LIPC: variants seen among roughly 807,000 people sequenced by gnomAD.
LIPC encodes hepatic triacylglycerol lipase.
LIPC carries 44 observed loss-of-function variants against 50.7 expected under a neutral mutation model. The observed-to-expected ratio is 0.87, with a 90% CI of 0.68 to 1.11. LIPC has a LOEUF of 1.11. Among genes scored for constraint, LIPC ranks in the 50% most tolerant of loss-of-function variants. LIPC has a pLI of 0.00. For missense variants in LIPC, 697 were observed against 648.2 expected, an observed-to-expected ratio of 1.08 and a Z score of -0.82; for synonymous variants, 271 against 256.4, an observed-to-expected ratio of 1.06 and a Z score of -0.54.
chr15:58,569,048 T>A lies in LIPC; in HGVS notation c.*221T>A. ...TACAACCAAAAATGTCCCAATTTTA[T>A]CTCTGGTTAAATGTTAATATATGCA... On this transcript the variant is annotated 3_prime_UTR_variant, in exon 9 of 9. Transcript: ENST00000299022. 1 of 410,514 alleles carries A rather than the reference T, an allele frequency of 2.4e-6. No homozygotes were observed. The highest frequency in any genetic ancestry group is 4.3e-6 in the Non-Finnish European group (1 of 230,776). 25.4% of individuals were successfully genotyped at this position (410,514 alleles called of 1,614,324 possible).
intron 1 of LIPC, among the ~76,000 whole-genome samples, chr15:58,452,641 A>G (rs1433750320): frequency 6.6e-6 from 1 of 152,186 alleles, no homozygotes; most frequent in Non-Finnish European, 1.5e-5. Flanking sequence ...GCTAGACTCA[A>G]AGAAGATGGA....
intron 1 of LIPC, among the ~76,000 whole-genome samples, chr15:58,524,190 A>C (rs1892736878): frequency 6.6e-6 from 1 of 152,152 alleles, no homozygotes; most frequent in Admixed American, 6.5e-5. Flanking sequence ...CTTCCACAAA[A>C]GTATCACACT....
At chr15:58,538,609 T>G in intron 2 of LIPC, 92 bp downstream of exon 2, 1 of 1,277,920 alleles carries the variant, frequency 7.8e-7, no homozygotes, top group South Asian at 1.2e-5. Flanking sequence ...GATAGGGAGC[T>G]GGTGATAACA....
chr15:58,494,725 G>T (rs1329814382), intron 1 of LIPC: 1 of 454,324 alleles, frequency 2.2e-6, no homozygotes. Flanking sequence ...AGCTTGGGTG[G>T]GATCTCTTTA....
At chr15:58,515,533 C>CACACACATAT (rs147594972) in intron 1 of LIPC, among the ~76,000 whole-genome samples, 24 of 141,694 alleles carry the variant, frequency 1.7e-4, no homozygotes, top group African/African-American at 6.2e-4. Context: ...TATACACACA[C>CACACACATAT]ATATATATAT....
chr15:58,527,791 TAATGAATG>T (rs113308338), intron 1 of LIPC, among the ~76,000 whole-genome samples: 27 of 150,046 alleles, frequency 1.8e-4, no homozygotes, highest in African/African-American at 2.8e-4. Flanking sequence ...ATAAATGAAT[TAATGAATG>T]AATGAATGAA....
chr15:58,437,064 G>C (rs546950601), intron 1 of LIPC, among the ~76,000 whole-genome samples: 2 of 152,356 alleles, frequency 1.3e-5, no homozygotes, highest in East Asian at 3.9e-4. Flanking sequence ...AACAGGCATG[G>C]TTTTGAATAC....
At chr15:58,508,876 T>C (rs1892246911) in intron 1 of LIPC, among the ~76,000 whole-genome samples, 1 of 152,040 alleles carries the variant, frequency 6.6e-6, no homozygotes, top group South Asian at 2.1e-4. Context: ...TTTTTAGTAT[T>C]CTTCTGTGCA....
At chr15:58,492,928 C>T (rs1891634436) in intron 1 of LIPC, among the ~76,000 whole-genome samples, 1 of 152,094 alleles carries the variant, frequency 6.6e-6, no homozygotes, top group Admixed American at 6.5e-5. Context: ...AGCTTATTTT[C>T]CCCCGTATGC....
intron 8 of LIPC, 23 bp downstream of exon 8, chr15:58,563,746 A>G (rs959645107): frequency 2.5e-6 from 4 of 1,582,436 alleles, no homozygotes; most frequent in South Asian, 1.1e-5. Flanking sequence ...TCAATCTCCT[A>G]TTAACGTCCA....
intron 8 of LIPC, among the ~76,000 whole-genome samples, chr15:58,568,229 T>C (rs1894451652): frequency 6.6e-6 from 1 of 152,200 alleles, no homozygotes. Context: ...CTTACAGGGC[T>C]GAGCCAGGCA....
intron 8 of LIPC, among the ~76,000 whole-genome samples, chr15:58,567,327 A>ACG (rs1894417044): frequency 1.4e-4 from 3 of 21,056 alleles, no homozygotes; most frequent in Non-Finnish European, 1.8e-4. Context: ...ATATGTGTAT[A>ACG]TATATATATA....
rs748730218 is a variant in LIPC, at chr15:58,563,512, G to C, written c.1177G>C (p.Gly393Arg). The change falls in exon 8 of 9, where the codon GGA becomes CGA. Residue 393 changes from glycine to arginine, a missense_variant. Physicochemically the swap from Gly to Arg is moderately radical, Grantham distance 125. Coordinates refer to ENST00000299022, the MANE Select transcript of LIPC (RefSeq NM_000236.3). ...MQKIPITLGK[G>R]IASNKTYSFL... ...TTTCTTTGTGTATTCAAGGGGCAAAGGAATTGCTAGTAATAAAACGTATTC... is the reference window on the plus strand; with the variant it reads ...TTTCTTTGTGTATTCAAGGGGCAAACGAATTGCTAGTAATAAAACGTATTC... 6.2e-7 allele frequency: 1 copy of C among 1,613,650 alleles called. No homozygotes were observed. Among genetic ancestry groups the C allele is most frequent in the African/African-American group, 1.3e-5 (1 of 74,932 alleles).
intron 1 of LIPC, among the ~76,000 whole-genome samples, chr15:58,471,327 A>G (rs1566919511): frequency 4.4e-4 from 3 of 6,878 alleles, no homozygotes; most frequent in East Asian, 9.6e-3. Context: ...TTTAGTAGAG[A>G]TGGGGGGGGG....
intron 1 of LIPC, among the ~76,000 whole-genome samples, chr15:58,470,386 A>C (rs1355441833): frequency 1.3e-5 from 2 of 152,158 alleles, no homozygotes; most frequent in African/African-American, 4.8e-5. Context: ...AAGTCTAAGA[A>C]ATTTTTATGA....
chr15:58,467,900 A>G (rs1894631277), intron 1 of LIPC, among the ~76,000 whole-genome samples: 1 of 152,186 alleles, frequency 6.6e-6, no homozygotes, highest in Non-Finnish European at 1.5e-5. Flanking sequence ...ACAGCGGTTG[A>G]GAGCTTGGAC....
At chr15:58,497,116 G>T (rs1231759149) in intron 1 of LIPC, among the ~76,000 whole-genome samples, 3 of 152,238 alleles carry the variant, frequency 2.0e-5, no homozygotes, top group African/African-American at 7.2e-5. Flanking sequence ...TGCCACTGAG[G>T]AAGACATAAT....
At chr15:58,458,108 A>G (rs1038097590) in intron 1 of LIPC, among the ~76,000 whole-genome samples, 36 of 152,234 alleles carry the variant, frequency 2.4e-4, no homozygotes, top group African/African-American at 8.2e-4. Flanking sequence ...GGGAGCTTTA[A>G]AAATAAATAC....
At chr15:58,495,709 G>A (rs1318706155) in intron 1 of LIPC, among the ~76,000 whole-genome samples, 1 of 152,220 alleles carries the variant, frequency 6.6e-6, no homozygotes, top group African/African-American at 2.4e-5. Flanking sequence ...AAGCAGTCCA[G>A]AACCCAAGCA....
Sources: allele counts gnomAD v4.1 joint callset (sites outside exome capture counted in the v4.1 genomes callset), GRCh38; gene constraint gnomAD v4.1.1; transcripts MANE v1.5; gene names NCBI Gene and HGNC (gene_info 2026-07-23, HGNC 2026-07-21).